Variants in COL9A3 observed in about 807,000 individuals in gnomAD.
COL9A3 encodes collagen alpha-3(IX) chain.
COL9A3 carries 82 observed loss-of-function variants against 110.2 expected under a neutral mutation model. The observed-to-expected ratio is 0.74, with a 90% confidence interval of 0.62 to 0.89. The LOEUF is 0.89. Ranked by LOEUF, COL9A3 falls within the 40% of genes least tolerant of loss-of-function variation. The pLI is 0.00. For synonymous variants in COL9A3, 494 were observed against 403.8 expected (o/e 1.22, Z -2.68); for missense variants, 1,066 against 981.3 (o/e 1.09, Z -1.15).
At chr20:62,838,031 TAGG>T (rs1259916842) in intron 30 of COL9A3, among the ~76,000 whole-genome samples, 2 of 152,264 alleles carry the variant, frequency 1.3e-5, no homozygotes, top group Non-Finnish European at 2.9e-5. Context: ...AAAATGCCCT[TAGG>T]TGAACCATGG....
chr20:62,821,966 C>T (rs1414602280), intron 8 of COL9A3, 145 bp from the exon 9 acceptor site: 3 of 762,868 alleles, frequency 3.9e-6, no homozygotes, highest in Non-Finnish European at 7.1e-6. Context: ...ATGATCCAGA[C>T]CCGACCTCAG....
intron 3 of COL9A3, among the ~76,000 whole-genome samples, 162 bp from the exon 4 acceptor site, chr20:62,819,060 C>G (rs1991030386): frequency 6.6e-6 from 1 of 152,212 alleles, no homozygotes; most frequent in South Asian, 2.1e-4. Flanking sequence ...CACACGTGCC[C>G]CAGCTGAGCC....
intron 25 of COL9A3, among the ~76,000 whole-genome samples, chr20:62,832,391 C>T (rs2063603646): frequency 6.6e-6 from 1 of 152,252 alleles, no homozygotes; most frequent in South Asian, 2.1e-4. Context: ...GGCACCCAGC[C>T]CCCAGGCACG....
In COL9A3 at chr20:62,826,144, G is replaced by C. The variant is rs560503492; in HGVS notation, c.685-60G>C. On this transcript the variant is annotated intron_variant, in intron 13 of 31. Coordinates refer to ENST00000649368, the MANE Select transcript of COL9A3 (RefSeq NM_001853.4). ...GGGGTACCCCGAGGGCCTTGGCCCTGGGTGCTCCCCGGGGTGGAGGTGCAG... is the reference window on the plus strand; with the variant it reads ...GGGGTACCCCGAGGGCCTTGGCCCTCGGTGCTCCCCGGGGTGGAGGTGCAG... 2,684 of 1,523,594 alleles carry C rather than the reference G, an allele frequency of 1.8e-3. 22 individuals carry two copies. Among genetic ancestry groups the C allele is most frequent in the South Asian group, 0.014 (1,165 of 83,572 alleles). 94.4% of individuals were successfully genotyped at this position (1,523,594 alleles called of 1,614,324 possible).
At chr20:62,830,632 C>A in intron 24 of COL9A3, 44 bp downstream of exon 24, 1 of 1,424,614 alleles carries the variant, frequency 7.0e-7, no homozygotes, top group South Asian at 1.2e-5. Flanking sequence ...ACCCCCTCTA[C>A]CCATGTACCA....
At position 62,829,467 on chromosome 20, in the gene COL9A3, C is replaced by T; in HGVS notation, c.1021C>T (p.Arg341Ter). Residue 341 changes from arginine (R) to a stop codon, truncating the protein, a stop_gained, in exon 20 of 32, where the codon CGA becomes TGA. Coordinates refer to ENST00000649368, the MANE Select transcript of COL9A3 (RefSeq NM_001853.4). LOFTEE classifies it high-confidence loss of function. ...TCTCTCCTGGCAGGGCCTCCCTGGA[C>T]GAGCGGGGTCCAAAGGCGAGAAGGG... ...GPNGLPGLPGRAGSKGEKGER... is the reference protein window; with the variant it reads ...GPNGLPGLPG 2 of 1,612,664 alleles carry T rather than the reference C, an allele frequency of 1.2e-6. No homozygotes were observed. The highest frequency in any genetic ancestry group is 1.7e-6 in the Non-Finnish European group (2 of 1,179,874).
chr20:62,829,658 C>G lies in COL9A3; in HGVS notation c.1084C>G (p.Pro362Ala), dbSNP rs771645717. The G allele has an allele frequency of 1.9e-6, 3 of 1,609,612 alleles. No homozygotes were observed. The highest frequency in any genetic ancestry group is 2.5e-6 in the Non-Finnish European group (3 of 1,178,774). ...AGCTGGGGAGCTGGGTGAGGCCGGC[C>G]CCTCTGGAGAGCCAGGCGTCCCTGT... ...GRAGELGEAG[P>A]SGEPGVPGDA... The change falls in exon 21 of 32, where the codon CCC becomes GCC. Residue 362 changes from proline to alanine, a missense_variant. Physicochemically the swap from Pro to Ala is conservative, Grantham distance 27 (BLOSUM62 -1). Coordinates refer to ENST00000649368, the MANE Select transcript of COL9A3 (RefSeq NM_001853.4).
chr20:62,836,519 G>T lies in COL9A3; in HGVS notation c.1590G>T (p.Gly530=). The T allele has an allele frequency of 6.2e-7, 1 of 1,612,404 alleles. No homozygotes were observed. The highest frequency in any genetic ancestry group is 8.5e-7 in the Non-Finnish European group (1 of 1,179,318). The change falls in exon 29 of 32, where the codon GGG becomes GGT. Residue 530 remains glycine, a synonymous_variant. Transcript: ENST00000649368. The part of the protein sequence containing the change: ...ASEQRIRELC[G]GMISEQIAQL... ...AGCAGCGCATCAGGGAGCTGTGTGGGGGGATGATCAGCGGTAAGTCAGCCA... is the reference window on the plus strand; with the variant it reads ...AGCAGCGCATCAGGGAGCTGTGTGGTGGGATGATCAGCGGTAAGTCAGCCA...
At chr20:62,825,425 C>T (rs917880094) in intron 12 of COL9A3, 22 of 351,562 alleles carry the variant, frequency 6.3e-5, no homozygotes, top group Admixed American at 1.7e-4. Context: ...CACCTGTGGT[C>T]GCTGTCCGTG....
Position 62,817,098 on chromosome 20 carries a change from C to T in COL9A3, c.34C>T (p.Leu12Phe). 2 of 1,403,976 alleles carry T rather than the reference C, an allele frequency of 1.4e-6. No homozygotes were observed. The highest frequency in any genetic ancestry group is 1.9e-6 in the Non-Finnish European group (2 of 1,073,978). The allele number at this position is 1,403,976 out of a possible 1,614,324, so 87.0% of individuals were successfully genotyped here. ...GCCGCGCGCGTGCGCCCCGCTCCTG[C>T]TCCTGCTCCTGCTCGGGGAGCTTCT... is the stretch of plus-strand genomic sequence containing the variant. ...AGPRACAPLL[L>F]LLLLGELLAA... Residue 12 changes from leucine (L) to phenylalanine (F), a missense_variant, in exon 1 of 32, where the codon CTC becomes TTC. Transcript: ENST00000649368.
At chr20:62,824,410 G>C (rs1196985420) in intron 10 of COL9A3, 35 bp from the exon 11 acceptor site, 2 of 1,578,372 alleles carry the variant, frequency 1.3e-6, no homozygotes, top group Non-Finnish European at 1.7e-6. Context: ...GCTCTGTTTG[G>C]CTGGGAGGGG....
intron 3 of COL9A3, 141 bp downstream of exon 3, chr20:62,818,694 A>C (rs928386093): frequency 1.2e-6 from 1 of 843,202 alleles, no homozygotes. Flanking sequence ...GGCTTGGAGC[A>C]GGCCTGGAGC....
chr20:62,821,086 G>GGGAGTT (rs1380936516), intron 5 of COL9A3, 95 bp from the exon 6 acceptor site: 4 of 1,288,832 alleles, frequency 3.1e-6, no homozygotes, highest in Admixed American at 3.8e-5. Flanking sequence ...CTGTTGTCCT[G>GGGAGTT]GGAGTTGGAG....
intron 5 of COL9A3, among the ~76,000 whole-genome samples, chr20:62,820,459 G>C (rs1312593019): frequency 6.6e-6 from 1 of 152,204 alleles, no homozygotes; most frequent in Non-Finnish European, 1.5e-5. Flanking sequence ...TCTCTCTTTG[G>C]CTTCATAAGA....
In COL9A3 at chr20:62,832,028, C is replaced by T. The variant is rs1356235755; in HGVS notation, c.1288-126C>T. On this transcript the variant is annotated intron_variant, in intron 24 of 31. Transcript: ENST00000649368. ...GGGCCTGTGTCTGGGAGCCGGTGTT[C>T]ACAGAAGCCCTTTGTGCAGCACAGA... 3.0e-6 allele frequency: 3 copies of T among 990,866 alleles called. No homozygotes were observed. The African/African-American group carries it at 4.9e-5, about 16-fold the overall frequency. 61.4% of individuals were successfully genotyped at this position (990,866 alleles called of 1,614,324 possible). A position where few individuals can be genotyped will look rare whatever the true frequency, so the allele number is the denominator to read the frequency against.
chr20:62,826,441 G>A (rs1049282227), intron 14 of COL9A3, among the ~76,000 whole-genome samples, 184 bp downstream of exon 14: 5 of 152,232 alleles, frequency 3.3e-5, no homozygotes, highest in Admixed American at 2.6e-4. Context: ...CTGGGCGAGA[G>A]CTGACAGTCG....
In COL9A3 at chr20:62,819,829, C is replaced by A. The variant is rs1991059797; in HGVS notation, c.256-100C>A. Reference sequence around the variant, plus strand: ...CACCCTAAGGGTCTTCTATGCCTCTCTGGACTCACCAAGGGAAGGGTCCGT... The same window carrying A: ...CACCCTAAGGGTCTTCTATGCCTCTATGGACTCACCAAGGGAAGGGTCCGT... On this transcript the variant is annotated intron_variant, in intron 4 of 31. Coordinates refer to ENST00000649368, the MANE Select transcript of COL9A3 (RefSeq NM_001853.4). 17 of 1,338,368 alleles carry A rather than the reference C, an allele frequency of 1.3e-5. No homozygotes were observed. The South Asian group carries it at 2.0e-4, about 16-fold the overall frequency. 82.9% of individuals were successfully genotyped at this position (1,338,368 alleles called of 1,614,324 possible).
At position 62,836,254 on chromosome 20, in the gene COL9A3, G is replaced by C. The variant is rs1014787640; in HGVS notation, c.1469G>C (p.Gly490Ala). The change falls in exon 28 of 32, where the codon GGT becomes GCT. Residue 490 changes from glycine to alanine, a missense_variant. Coordinates refer to ENST00000649368, the MANE Select transcript of COL9A3 (RefSeq NM_001853.4). ...CCCAACGGCACCAGCGGTGTTCAGG[G>C]TGTCCCCGGGCCCCCCGGTCCTCTG... ...QGPNGTSGVQ[G>A]VPGPPGPLGL... The C allele has an allele frequency of 6.2e-7, 1 of 1,613,742 alleles. No homozygotes were observed. Among genetic ancestry groups the C allele is most frequent in the African/African-American group, 1.3e-5 (1 of 75,064 alleles).
Position 62,841,102 on chromosome 20 carries a change from A to T in COL9A3, c.*370A>T, listed in dbSNP as rs2063675344. ...GATATATTAAACCTTCAGATTAATGACTGGCTACAGAGTAACAAAAAATAA... is the reference window on the plus strand; with the variant it reads ...GATATATTAAACCTTCAGATTAATGTCTGGCTACAGAGTAACAAAAAATAA... On this transcript the variant is annotated 3_prime_UTR_variant, in exon 32 of 32. Transcript: ENST00000649368. 4.2e-6 allele frequency: 1 copy of T among 237,170 alleles called. No homozygotes were observed. Among genetic ancestry groups the T allele is most frequent in the African/African-American group, 2.3e-5 (1 of 43,234 alleles). The allele number at this position is 237,170 out of a possible 1,614,324, so 14.7% of individuals were successfully genotyped here. A position where few individuals can be genotyped will look rare whatever the true frequency, so the allele number is the denominator to read the frequency against.
Sources: gnomAD v4.1 joint callset for allele counts (sites outside exome capture counted in the v4.1 genomes callset) on GRCh38, gnomAD v4.1.1 for gene constraint, MANE v1.5 for transcripts, NCBI Gene and HGNC (gene_info 2026-07-23, HGNC 2026-07-21) for gene names.